The following GAS2 variants were observed in gnomAD, a reference collection of about 807,000 sequenced individuals.
The protein encoded by GAS2 is growth arrest-specific protein 2.
GAS2 carries 20 observed loss-of-function variants against 37.5 expected under a neutral mutation model. That is an observed-to-expected ratio of 0.53 (90% confidence interval 0.37 to 0.77). The LOEUF is 0.77. GAS2 is among the 30% of genes least tolerant of loss of function. The pLI, the probability that GAS2 is intolerant of heterozygous loss-of-function variation, is 0.00. For missense variants in GAS2, 336 were observed against 373.4 expected, an observed-to-expected ratio of 0.90 and a Z score of 0.82; for synonymous variants, 144 against 132.2, an observed-to-expected ratio of 1.09 and a Z score of -0.61.
chr11:22,681,426 G>A (rs576863472), intron 2 of GAS2, among the ~76,000 whole-genome samples: 6 of 152,228 alleles, frequency 3.9e-5, no homozygotes, highest in South Asian at 2.1e-4. Context: ...TTAATCATGC[G>A]AAGATCAAAT....
intron 7 of GAS2, among the ~76,000 whole-genome samples, chr11:22,785,305 C>T (rs939891752): frequency 5.3e-5 from 8 of 152,212 alleles, no homozygotes; most frequent in Admixed American, 4.6e-4. Flanking sequence ...TTCCATTCAT[C>T]CTGGGTGAAG....
At chr11:22,739,350 G>A (rs1257801194) in intron 5 of GAS2, among the ~76,000 whole-genome samples, 2 of 151,748 alleles carry the variant, frequency 1.3e-5, no homozygotes, top group African/African-American at 4.8e-5. Flanking sequence ...CGAGGCGGGT[G>A]GATCACGAGG....
intron 3 of GAS2, among the ~76,000 whole-genome samples, chr11:22,712,747 C>T (rs1334554223): frequency 6.6e-6 from 1 of 152,126 alleles, no homozygotes; most frequent in East Asian, 1.9e-4. Context: ...TATTAAGCTT[C>T]TCAAGGTGGC....
At chr11:22,700,806 A>C (rs1411445105) in intron 3 of GAS2, among the ~76,000 whole-genome samples, 1 of 152,196 alleles carries the variant, frequency 6.6e-6, no homozygotes, top group Non-Finnish European at 1.5e-5. Context: ...GAATTTGCTC[A>C]CCATTGAAAA....
chr11:22,695,079 G>A (rs1250385739), intron 3 of GAS2, among the ~76,000 whole-genome samples: 4 of 152,216 alleles, frequency 2.6e-5, no homozygotes, highest in African/African-American at 9.6e-5. Flanking sequence ...CAATACTTCG[G>A]GAGGCTGAGG....
In GAS2 at chr11:22,709,711, C is replaced by T. The variant is rs186828494; in HGVS notation, c.268-16581C>T. Among the ~76,000 whole-genome samples the T allele has an allele frequency of 1.9e-3, 289 of 152,148 alleles. 5 individuals carry two copies. In the East Asian group the frequency reaches 0.031, roughly 16 times the overall value. On this transcript the variant is annotated intron_variant, in intron 3 of 7. Coordinates refer to ENST00000454584, the MANE Select transcript of GAS2 (RefSeq NM_001143830.3). ...ATGCTGCTATAAAGACACATGCACA[C>T]GTATGTTTATCGTGGCACTATTCAC... is the stretch of plus-strand genomic sequence containing the variant.
chr11:22,809,097 G>A (rs762344538), intron 7 of GAS2, among the ~76,000 whole-genome samples: 6 of 152,120 alleles, frequency 3.9e-5, no homozygotes, highest in Non-Finnish European at 7.3e-5. Context: ...CTGGTTCTCA[G>A]TGTCTACATA....
At chr11:22,685,557 T>C (rs946400722) in intron 2 of GAS2, 111 bp from the exon 3 acceptor site, 29 of 1,132,594 alleles carry the variant, frequency 2.6e-5, no homozygotes, top group Non-Finnish European at 3.3e-5. Context: ...ATCCCAGTTA[T>C]GTAACTCAGC....
intron 5 of GAS2, 50 bp from the exon 6 acceptor site, chr11:22,749,070 T>C: frequency 2.0e-6 from 3 of 1,500,452 alleles, no homozygotes; most frequent in East Asian, 2.3e-5. Flanking sequence ...TATATGGTAA[T>C]TGTATCATTA....
chr11:22,635,935 G>A (rs543095298), intron 1 of GAS2, among the ~76,000 whole-genome samples: 5 of 152,222 alleles, frequency 3.3e-5, no homozygotes, highest in African/African-American at 4.8e-5. Flanking sequence ...TATATATCAT[G>A]GAGGCAGTCT....
chr11:22,644,549 A>T (rs1024146217), intron 1 of GAS2, among the ~76,000 whole-genome samples: 11 of 152,212 alleles, frequency 7.2e-5, no homozygotes, highest in African/African-American at 2.4e-4. Context: ...GAACAGATTA[A>T]TGCTATAATT....
intron 2 of GAS2, among the ~76,000 whole-genome samples, chr11:22,683,794 C>T (rs372669): frequency 0.37 from 55,910 of 151,718 alleles, 11,297 homozygotes; most frequent in African/African-American, 0.55. Flanking sequence ...TACTAGGTGC[C>T]TAGTATGTGA....
intron 3 of GAS2, among the ~76,000 whole-genome samples, chr11:22,722,256 A>G (rs548210965): frequency 2.0e-5 from 3 of 152,070 alleles, no homozygotes; most frequent in South Asian, 4.1e-4. Context: ...TTTGGAATGC[A>G]TAACTGTTCT....
chr11:22,701,723 G>A (rs2134027757), intron 3 of GAS2, among the ~76,000 whole-genome samples: 1 of 152,166 alleles, frequency 6.6e-6, no homozygotes, highest in Non-Finnish European at 1.5e-5. Flanking sequence ...CAGCTACTCT[G>A]GACGCTGAGG....
At chr11:22,717,775 G>GT (rs1554974035) in intron 3 of GAS2, among the ~76,000 whole-genome samples, 1,600 of 150,456 alleles carry the variant, frequency 0.011, 21 homozygotes, top group African/African-American at 0.037. Flanking sequence ...AAATCAGCAA[G>GT]AAAAAAAAAG....
At chr11:22,789,303 T>TATATATATATATATATATATACACACAC (rs1350750428) in intron 7 of GAS2, among the ~76,000 whole-genome samples, 29 of 111,102 alleles carry the variant, frequency 2.6e-4, no homozygotes, top group African/African-American at 1.0e-3. Flanking sequence ...TATATATATA[T>TATATATATATATATATATATACACACAC]ACACACACAC....
chr11:22,713,915 C>A (rs966453082), intron 3 of GAS2, among the ~76,000 whole-genome samples: 1 of 152,138 alleles, frequency 6.6e-6, no homozygotes, highest in African/African-American at 2.4e-5. Context: ...AAGCATAAAT[C>A]TCTCAGGACC....
chr11:22,698,995 G>C (rs337460), intron 3 of GAS2, among the ~76,000 whole-genome samples: 138,489 of 152,138 alleles, frequency 0.91, 64,270 homozygotes, highest in East Asian at 1. Flanking sequence ...TAATTCTGTT[G>C]TTTTCTATAA....
intron 3 of GAS2, among the ~76,000 whole-genome samples, chr11:22,710,176 A>C (rs1851332300): frequency 6.6e-6 from 1 of 152,032 alleles, no homozygotes; most frequent in South Asian, 2.1e-4. Context: ...AATTTAAAAA[A>C]GGAAAAAACA....
Sources: allele counts gnomAD v4.1 joint callset (sites outside exome capture counted in the v4.1 genomes callset), GRCh38; gene constraint gnomAD v4.1.1; transcripts MANE v1.5; gene names NCBI Gene and HGNC (gene_info 2026-07-23, HGNC 2026-07-21).